TMEM178B: variants seen among roughly 807,000 people sequenced by gnomAD.
TMEM178B encodes transmembrane protein 178B.
A neutral mutation model predicts 31.0 loss-of-function variants in TMEM178B; 5 were observed. That is an observed-to-expected ratio of 0.16 (90% CI 0.08 to 0.34). The LOEUF is 0.34. Among genes scored for constraint, TMEM178B ranks in the 10% least tolerant of loss-of-function variants. TMEM178B has a pLI of 1.00. For synonymous variants in TMEM178B, 164 were observed against 164.0 expected (o/e 1.00, Z 0.00); for missense variants, 275 against 400.3 (o/e 0.69, Z 2.67).
chr7:141,396,720 A>G (rs919543931), intron 2 of TMEM178B, among the ~76,000 whole-genome samples: 1 of 152,244 alleles, frequency 6.6e-6, no homozygotes, highest in African/African-American at 2.4e-5. Flanking sequence ...GACAGTGGGC[A>G]CAGTGACCCA....
chr7:141,140,729 G>T (rs1040898894), intron 1 of TMEM178B, among the ~76,000 whole-genome samples: 4 of 152,166 alleles, frequency 2.6e-5, no homozygotes, highest in African/African-American at 9.7e-5. Flanking sequence ...GAGGAGTACT[G>T]GTCAGGGATA....
chr7:141,268,523 C>G (rs773259028), intron 2 of TMEM178B, among the ~76,000 whole-genome samples: 30 of 152,230 alleles, frequency 2.0e-4, no homozygotes, highest in Non-Finnish European at 3.4e-4. Flanking sequence ...CAGTATCCAA[C>G]ACTATAGACA....
At chr7:141,259,077 T>G (rs983756211) in intron 2 of TMEM178B, among the ~76,000 whole-genome samples, 4 of 152,194 alleles carry the variant, frequency 2.6e-5, no homozygotes, top group Admixed American at 1.3e-4. Context: ...TCTTCTTGTC[T>G]TCTGGGACTT....
chr7:141,389,996 G>A (rs552147083), intron 2 of TMEM178B, among the ~76,000 whole-genome samples: 2 of 152,256 alleles, frequency 1.3e-5, no homozygotes, highest in Admixed American at 6.5e-5. Flanking sequence ...GCACATGGCT[G>A]GAAAATGTCT....
chr7:141,197,656 G>A (rs1796805485), intron 1 of TMEM178B, among the ~76,000 whole-genome samples: 1 of 151,988 alleles, frequency 6.6e-6, no homozygotes, highest in South Asian at 2.1e-4. Flanking sequence ...TTTTTGAGAT[G>A]GAGTCTCACT....
chr7:141,083,531 T>A (rs1794725568), intron 1 of TMEM178B, among the ~76,000 whole-genome samples: 1 of 126,124 alleles, frequency 7.9e-6, no homozygotes, highest in African/African-American at 2.7e-5. Context: ...GACAGACAGA[T>A]GTGAGAGACA....
At chr7:141,096,500 T>G (rs936448843) in intron 1 of TMEM178B, among the ~76,000 whole-genome samples, 1 of 152,212 alleles carries the variant, frequency 6.6e-6, no homozygotes, top group African/African-American at 2.4e-5. Context: ...CAGAAAACAG[T>G]GACCTCCCCT....
chr7:141,421,443 CTTTACAG>C (rs1192338226), intron 2 of TMEM178B, among the ~76,000 whole-genome samples: 1 of 152,154 alleles, frequency 6.6e-6, no homozygotes, highest in Non-Finnish European at 1.5e-5. Context: ...TGTGGTAGCA[CTTTACAG>C]TTTACAAAGG....
chr7:141,126,856 AGTGTGTGTGTGTGTGTGTGTGT>A (rs10600930), intron 1 of TMEM178B, among the ~76,000 whole-genome samples: 3 of 145,686 alleles, frequency 2.1e-5, no homozygotes, highest in Non-Finnish European at 4.6e-5. Context: ...ATCTTCTCAA[AGTGTGTGTGTGTGTGTGTGTGT>A]GTGTGTGTGT....
chr7:141,458,187 T>A (rs1802000904), intron 3 of TMEM178B, among the ~76,000 whole-genome samples: 1 of 152,206 alleles, frequency 6.6e-6, no homozygotes, highest in Admixed American at 6.5e-5. Flanking sequence ...TGGTGTGATC[T>A]CAGCTCACTG....
At chr7:141,285,816 A>G (rs573130826) in intron 2 of TMEM178B, among the ~76,000 whole-genome samples, 1 of 152,330 alleles carries the variant, frequency 6.6e-6, no homozygotes, top group African/African-American at 2.4e-5. Flanking sequence ...GTTGGAAACC[A>G]TCATTCTCAG....
chr7:141,278,375 A>G (rs1798300775), intron 2 of TMEM178B, among the ~76,000 whole-genome samples: 2 of 152,172 alleles, frequency 1.3e-5, no homozygotes, highest in Non-Finnish European at 2.9e-5. Context: ...TGAGGTTAGG[A>G]GTTCGAGACC....
chr7:141,189,734 A>G (rs1415090872), intron 1 of TMEM178B, among the ~76,000 whole-genome samples: 1 of 152,150 alleles, frequency 6.6e-6, no homozygotes, highest in Admixed American at 6.5e-5. Flanking sequence ...CGGCCATTCT[A>G]ACGTCTCTCT....
chr7:141,223,923 C>T (rs571349457), intron 2 of TMEM178B, among the ~76,000 whole-genome samples: 20 of 152,250 alleles, frequency 1.3e-4, no homozygotes, highest in Admixed American at 5.2e-4. Flanking sequence ...TATAAACTGA[C>T]GTGGTTTGAC....
chr7:141,349,983 CCATCCATCCATCCATGCATG>C (rs1302029592), intron 2 of TMEM178B, among the ~76,000 whole-genome samples: 1 of 151,848 alleles, frequency 6.6e-6, no homozygotes, highest in Non-Finnish European at 1.5e-5. Context: ...ATCCATCCAT[CCATCCATCCATCCATGCATG>C]CATCCATCCA....
chr7:141,298,706 A>G (rs1798675534), intron 2 of TMEM178B, among the ~76,000 whole-genome samples: 1 of 152,250 alleles, frequency 6.6e-6, no homozygotes, highest in Admixed American at 6.5e-5. Context: ...TAGCTTTTCT[A>G]GTACCTCTTA....
At chr7:141,435,672 G>T (rs959048758) in intron 2 of TMEM178B, among the ~76,000 whole-genome samples, 2 of 152,200 alleles carry the variant, frequency 1.3e-5, no homozygotes, top group Non-Finnish European at 2.9e-5. Context: ...CACGCAGGCC[G>T]CTGGCCTCAC....
At chr7:141,123,328 C>T (rs1795439350) in intron 1 of TMEM178B, among the ~76,000 whole-genome samples, 1 of 152,224 alleles carries the variant, frequency 6.6e-6, no homozygotes, top group Non-Finnish European at 1.5e-5. Context: ...GGTGGTGTCA[C>T]TGTCTGTCAT....
intron 1 of TMEM178B, among the ~76,000 whole-genome samples, chr7:141,184,004 C>T (rs889999846): frequency 3.3e-5 from 5 of 152,150 alleles, no homozygotes; most frequent in Non-Finnish European, 5.9e-5. Context: ...CTTGGAAACT[C>T]GTCCCTGCAC....
Sources: gnomAD v4.1 joint callset for allele counts (sites outside exome capture counted in the v4.1 genomes callset) on GRCh38, gnomAD v4.1.1 for gene constraint, MANE v1.5 for transcripts, NCBI Gene and HGNC (gene_info 2026-07-23, HGNC 2026-07-21) for gene names.